MEIS2: variants seen among roughly 807,000 people sequenced by gnomAD.
MEIS2 encodes Meis homeobox 2.
MEIS2 carries 9 observed loss-of-function variants against 58.6 expected under a neutral mutation model. That is an observed-to-expected ratio of 0.15 (90% CI 0.09 to 0.27). The LOEUF is 0.27. Among genes scored for constraint, MEIS2 ranks in the 10% least tolerant of loss-of-function variants. The pLI, the probability that MEIS2 is intolerant of heterozygous loss-of-function variation, is 1.00. For missense variants in MEIS2, 427 were observed against 635.0 expected (o/e 0.67, Z 3.52); for synonymous variants, 221 against 228.4 (o/e 0.97, Z 0.29).
In MEIS2 at chr15:37,080,672, C is replaced by T. The variant is rs542762585; in HGVS notation, c.754+3099G>A. On this transcript the variant is annotated intron_variant, in intron 7 of 11. Coordinates refer to ENST00000561208, the MANE Select transcript of MEIS2 (RefSeq NM_170675.5). ...CAGTTACTTCCCCAGAGCCCCAAGTCTGCACCCTAATTCCATCCTTGAAAA... is the reference window on the plus strand; with the variant it reads ...CAGTTACTTCCCCAGAGCCCCAAGTTTGCACCCTAATTCCATCCTTGAAAA... Among the ~76,000 whole-genome samples the T allele has an allele frequency of 4.6e-5, 7 of 152,252 alleles. No homozygotes were observed. The South Asian group carries it at 1.5e-3, about 32-fold the overall frequency.
rs1205116522 is a variant in MEIS2 at position 36,889,645 on chromosome 15, AAC to A, written c.*2526_*2527del. ...ATGAGATAACTTGATAATTGCATAA[AAC>A]ACATCCTAAACACGAGCCAATTGCC... is the stretch of plus-strand genomic sequence containing the variant. On this transcript the variant is annotated 3_prime_UTR_variant, in exon 12 of 12. Transcript: ENST00000561208. 1 of 152,184 alleles carries A rather than the reference AAC, an allele frequency of 6.6e-6. No homozygotes were observed. The highest frequency in any genetic ancestry group is 2.4e-5 in the African/African-American group (1 of 41,446). The allele number at this position is 152,184 out of a possible 1,614,324, so 9.4% of individuals were successfully genotyped here. A position where few individuals can be genotyped will look rare whatever the true frequency, so the allele number is the denominator to read the frequency against.
intron 6 of MEIS2, among the ~76,000 whole-genome samples, chr15:37,084,519 A>G (rs955921757): frequency 1.1e-4 from 17 of 152,134 alleles, no homozygotes; most frequent in African/African-American, 3.1e-4. Context: ...TTTTGCTTTA[A>G]TTTGTAGAAA....
At chr15:36,904,907 T>C (rs547609911) in intron 9 of MEIS2, among the ~76,000 whole-genome samples, 26 of 152,312 alleles carry the variant, frequency 1.7e-4, no homozygotes, top group African/African-American at 6.3e-4. Flanking sequence ...AAATGCATAA[T>C]CCTGTTCTCA....
At chr15:36,997,520 T>C (rs1029734519) in intron 8 of MEIS2, among the ~76,000 whole-genome samples, 1 of 149,716 alleles carries the variant, frequency 6.7e-6, no homozygotes, top group Non-Finnish European at 1.5e-5. Context: ...AGAATCTTGC[T>C]CTGTTGCCCA....
Position 36,957,698 on chromosome 15 carries a change from A to G in MEIS2, c.901-7298T>C, listed in dbSNP as rs1332294599. Among the ~76,000 whole-genome samples, 4 of 152,216 alleles carry G rather than the reference A, an allele frequency of 2.6e-5. No homozygotes were observed. In the South Asian group the frequency reaches 6.2e-4, roughly 24 times the overall value. On this transcript the variant is annotated intron_variant, in intron 8 of 11. Coordinates refer to ENST00000561208, the MANE Select transcript of MEIS2 (RefSeq NM_170675.5). ...AAATCATTTGAGGGCAGAGTTAAAG[A>G]ATTATTTAACCTCAAACTTTCTACA...
intron 9 of MEIS2, among the ~76,000 whole-genome samples, chr15:36,904,899 A>G (rs2056655187): frequency 6.6e-6 from 1 of 152,220 alleles, no homozygotes; most frequent in South Asian, 2.1e-4. Flanking sequence ...CTGGTTTCAA[A>G]TGCATAATCC....
chr15:37,084,015 G>T (rs1015647782), intron 6 of MEIS2, 130 bp from the exon 7 acceptor site: 2 of 671,124 alleles, frequency 3.0e-6, no homozygotes, highest in South Asian at 3.8e-5. Flanking sequence ...AGGCATATAC[G>T]CATGCCATGT....
intron 9 of MEIS2, among the ~76,000 whole-genome samples, chr15:36,911,105 A>C (rs377735400): frequency 4.4e-4 from 67 of 151,240 alleles, no homozygotes; most frequent in African/African-American, 1.3e-3. Flanking sequence ...TTAGGGAATT[A>C]TATTAGGCTT....
chr15:37,020,126 A>T (rs1448931190), intron 8 of MEIS2, among the ~76,000 whole-genome samples: 2 of 151,904 alleles, frequency 1.3e-5, no homozygotes, highest in East Asian at 3.9e-4. Flanking sequence ...CACCACAAAG[A>T]CCCTGCTCCT....
chr15:36,953,338 T>C (rs1042591542), intron 8 of MEIS2, among the ~76,000 whole-genome samples: 3 of 152,344 alleles, frequency 2.0e-5, no homozygotes, highest in South Asian at 2.1e-4. Context: ...TCTTCTTTGA[T>C]GTATATTACT....
At chr15:37,059,908 T>G (rs924775282) in intron 7 of MEIS2, among the ~76,000 whole-genome samples, 1 of 147,536 alleles carries the variant, frequency 6.8e-6, no homozygotes, top group Non-Finnish European at 1.5e-5. Flanking sequence ...GCCACTGCAC[T>G]CCAGCGAGAG....
chr15:37,019,781 A>G (rs2061463556), intron 8 of MEIS2, among the ~76,000 whole-genome samples: 1 of 152,180 alleles, frequency 6.6e-6, no homozygotes, highest in African/African-American at 2.4e-5. Context: ...TGGATTTCAA[A>G]TATAATCCAA....
intron 8 of MEIS2, among the ~76,000 whole-genome samples, chr15:36,980,288 A>G (rs2059890698): frequency 6.6e-6 from 1 of 152,138 alleles, no homozygotes; most frequent in African/African-American, 2.4e-5. Context: ...CATCCCTGAC[A>G]TCATGCTCTG....
chr15:37,025,397 G>T (rs1246353659), intron 8 of MEIS2, among the ~76,000 whole-genome samples: 2 of 152,122 alleles, frequency 1.3e-5, no homozygotes, highest in Non-Finnish European at 2.9e-5. Flanking sequence ...TCTTAATTTG[G>T]TCCTAACTCC....
intron 8 of MEIS2, among the ~76,000 whole-genome samples, chr15:36,973,497 A>G (rs567665055): frequency 1.5e-4 from 23 of 152,358 alleles, no homozygotes; most frequent in African/African-American, 4.3e-4. Flanking sequence ...GAGTAGGCAT[A>G]AAACTATAGA....
At chr15:36,919,470 C>G (rs2057406958) in intron 9 of MEIS2, among the ~76,000 whole-genome samples, 1 of 151,444 alleles carries the variant, frequency 6.6e-6, no homozygotes, top group African/African-American at 2.4e-5. Context: ...CCCAGCTACT[C>G]AGGAGGCTGA....
chr15:37,095,844 A>G lies in MEIS2; in HGVS notation c.388-230T>C, dbSNP rs895097335. ...TGGTACGACTAAGCTGTAGCCAGGA[A>G]CTCAGGGTCGTTCTCAGGGCCTCGA... On this transcript the variant is annotated intron_variant, in intron 3 of 11. Coordinates refer to ENST00000561208, the MANE Select transcript of MEIS2 (RefSeq NM_170675.5). 21 of 596,764 alleles carry G rather than the reference A, an allele frequency of 3.5e-5. No individual in the cohort carries two copies. In the African/African-American group the frequency reaches 3.9e-4, roughly 11 times the overall value. The allele number at this position is 596,764 out of a possible 1,614,324, so 37.0% of individuals were successfully genotyped here.
At position 37,099,788 on chromosome 15, in the gene MEIS2, C is replaced by T; in HGVS notation, c.-322G>A. 1 of 308,960 alleles carries T rather than the reference C, an allele frequency of 3.2e-6. No individual in the cohort carries two copies. The highest frequency in any genetic ancestry group is 5.7e-6 in the Non-Finnish European group (1 of 174,838). The allele number at this position is 308,960 out of a possible 1,614,324, so 19.1% of individuals were successfully genotyped here. On this transcript the variant is annotated 5_prime_UTR_variant, in exon 1 of 12. Transcript: ENST00000561208. ...GTCCTCCTTTCCCCCTCTTTCTCTT[C>T]TCTTCCCCTCAGTTGGAAAAAAAAA...
At position 37,087,599 on chromosome 15, in the gene MEIS2, T is replaced by TA. The variant is rs61534915; in HGVS notation, c.640-3715dup. Reference sequence around the variant, plus strand: ...TGCCAGTGTTTTCTCCCTTGAAAGTTAAAAAAAAAAATTGATTTAGCACTA... The same window carrying TA: ...TGCCAGTGTTTTCTCCCTTGAAAGTTAAAAAAAAAAAATTGATTTAGCACTA... On this transcript the variant is annotated intron_variant, in intron 6 of 11. Transcript: ENST00000561208. Among the ~76,000 whole-genome samples the TA allele has an allele frequency of 1.5e-3, 226 of 149,218 alleles. 2 individuals carry two copies. The highest frequency in any genetic ancestry group is 0.014 in the Middle Eastern group (4 of 290).
Sources: gnomAD v4.1 joint callset for allele counts (sites outside exome capture counted in the v4.1 genomes callset) on GRCh38, gnomAD v4.1.1 for gene constraint, MANE v1.5 for transcripts, NCBI Gene and HGNC (gene_info 2026-07-23, HGNC 2026-07-21) for gene names.